The following ODAD2 variants were observed in gnomAD, a reference collection of about 807,000 sequenced individuals.
The protein encoded by ODAD2 is outer dynein arm-docking complex subunit 2.
In ODAD2, 89 loss-of-function variants were observed where a neutral mutation model predicts 106.8. That is an observed-to-expected ratio of 0.83 (90% CI 0.70 to 0.99). The LOEUF is 0.99. Among genes scored for constraint, ODAD2 ranks in the 50% least tolerant of loss-of-function variants. The pLI is 0.00. For missense variants in ODAD2, 1,168 were observed against 1,238.5 expected (o/e 0.94, Z 0.85); for synonymous variants, 404 against 436.2 (o/e 0.93, Z 0.92).
intron 3 of ODAD2, among the ~76,000 whole-genome samples, chr10:27,986,439 G>C (rs1465942388): frequency 6.6e-6 from 1 of 152,114 alleles, no homozygotes; most frequent in East Asian, 1.9e-4. Context: ...CAATTGAGTT[G>C]AATTGAATGA....
intron 19 of ODAD2, among the ~76,000 whole-genome samples, chr10:27,850,897 A>G (rs529288662): frequency 4.0e-4 from 61 of 152,344 alleles, no homozygotes; most frequent in Non-Finnish European, 7.5e-4. Flanking sequence ...GAGAGCCCAG[A>G]CAAAGCCTGA....
At chr10:27,896,143 T>C (rs919571017) in intron 17 of ODAD2, among the ~76,000 whole-genome samples, 5 of 152,222 alleles carry the variant, frequency 3.3e-5, no homozygotes, top group Non-Finnish European at 7.3e-5. Context: ...CTAAAAATGT[T>C]CATCATGAAT....
chr10:27,912,893 A>T (rs1844108249), intron 16 of ODAD2, among the ~76,000 whole-genome samples: 2 of 152,202 alleles, frequency 1.3e-5, no homozygotes, highest in South Asian at 4.1e-4. Flanking sequence ...CCTTTAAAAA[A>T]ATCCTTAAGG....
chr10:27,853,179 C>A, intron 19 of ODAD2: 1 of 163,006 alleles, frequency 6.1e-6, no homozygotes, highest in Non-Finnish European at 1.3e-5. Context: ...CCATCCTGAC[C>A]AACATGGTGA....
In ODAD2 at chr10:27,971,310, T is replaced by C; in HGVS notation, c.940A>G (p.Ile314Val). 1 of 1,584,952 alleles carries C rather than the reference T, an allele frequency of 6.3e-7. No homozygotes were observed. Among genetic ancestry groups the C allele is most frequent in the East Asian group, 2.2e-5 (1 of 44,664 alleles). ...KFSENMSKLG[I>V]SFSEDQQKEK... ...TTTTGCTGGTCTTCACTGAAGCTAA[T>C]TCCCTTTATTTAAAAAATGAGAATA... The change falls in exon 8 of 20, where the codon ATT becomes GTT. Residue 314 changes from isoleucine (I) to valine (V), a missense_variant. Ile to Val is a conservative substitution (Grantham distance 29). Coordinates refer to ENST00000305242, the MANE Select transcript of ODAD2 (RefSeq NM_018076.5).
intron 7 of ODAD2, among the ~76,000 whole-genome samples, chr10:27,972,857 C>T (rs958434818): frequency 2.6e-5 from 4 of 151,996 alleles, no homozygotes; most frequent in Non-Finnish European, 5.9e-5. Flanking sequence ...CAGAAAAAAA[C>T]ATCAGTAATG....
At chr10:27,872,964 C>T (rs566981359) in intron 17 of ODAD2, among the ~76,000 whole-genome samples, 8 of 152,114 alleles carry the variant, frequency 5.3e-5, no homozygotes, top group Non-Finnish European at 7.3e-5. Context: ...TGGTAGCATT[C>T]GGCTATGAAT....
intron 10 of ODAD2, among the ~76,000 whole-genome samples, chr10:27,959,780 A>G (rs1018653056): frequency 1.3e-5 from 2 of 152,186 alleles, no homozygotes; most frequent in African/African-American, 2.4e-5. Flanking sequence ...CTATAATAGT[A>G]GTGAATCATT....
Position 27,987,373 on chromosome 10 carries a change from G to A in ODAD2, c.382+13C>T. 2 of 1,608,128 alleles carry A rather than the reference G, an allele frequency of 1.2e-6. No individual in the cohort carries two copies. Among genetic ancestry groups the A allele is most frequent in the Non-Finnish European group, 1.7e-6 (2 of 1,177,412 alleles). ...CTAAAAGTTCAAATCACAGACTGGA[G>A]CATTAAGATCACCTTCAACACATGC... On this transcript the variant is annotated intron_variant, in intron 3 of 19. Coordinates refer to ENST00000305242, the MANE Select transcript of ODAD2 (RefSeq NM_018076.5).
chr10:27,939,465 C>T (rs527664515), intron 14 of ODAD2, among the ~76,000 whole-genome samples: 1 of 152,236 alleles, frequency 6.6e-6, no homozygotes, highest in Admixed American at 6.5e-5. Context: ...CCTGTAATCC[C>T]AGCACTTTGG....
chr10:27,983,924 T>C lies in ODAD2; in HGVS notation c.738A>G (p.Glu246=). Residue 246 remains glutamate (E), a synonymous_variant, in exon 6 of 20, where the codon GAA becomes GAG. Coordinates refer to ENST00000305242, the MANE Select transcript of ODAD2 (RefSeq NM_018076.5). ...GAGGTTTCACCAGCACATAACAAAT[T>C]TCCCCACGAATTTGTCTCCACGGTG... ...RAPPWRQIRG[E]ICYVLVKPHD... is the part of the protein sequence containing the mutation. 1 of 1,607,690 alleles carries C rather than the reference T, an allele frequency of 6.2e-7. No individual in the cohort carries two copies. The highest frequency in any genetic ancestry group is 2.2e-5 in the East Asian group (1 of 44,820).
chr10:27,886,111 A>C (rs11596504), intron 17 of ODAD2, among the ~76,000 whole-genome samples: 14 of 151,066 alleles, frequency 9.3e-5, no homozygotes, highest in Non-Finnish European at 1.8e-4. Context: ...AAAATTATTT[A>C]AAGTAATAAT....
intron 16 of ODAD2, among the ~76,000 whole-genome samples, chr10:27,911,255 G>A (rs113027857): frequency 5.3e-5 from 8 of 152,218 alleles, no homozygotes; most frequent in African/African-American, 9.6e-5. Flanking sequence ...GAGCTGGAAC[G>A]AAAAGTCAGA....
intron 19 of ODAD2, among the ~76,000 whole-genome samples, chr10:27,834,805 C>G (rs1314436310): frequency 1.3e-5 from 2 of 152,158 alleles, no homozygotes; most frequent in African/African-American, 4.8e-5. Context: ...CTCAGATGTC[C>G]TTGTTTACCA....
intron 2 of ODAD2, among the ~76,000 whole-genome samples, chr10:27,988,339 T>A (rs1314288577): frequency 5.7e-4 from 31 of 54,004 alleles, no homozygotes; most frequent in Non-Finnish European, 8.0e-4. Flanking sequence ...TGATCTAGCT[T>A]TTTTTTTTTT....
rs72799636 is a variant in ODAD2 at position 27,814,924 on chromosome 10, T to C, written c.3022-2299A>G. Among the ~76,000 whole-genome samples, 1,253 of 152,358 alleles carry C rather than the reference T, an allele frequency of 8.2e-3. 23 individuals carry two copies. The highest frequency in any genetic ancestry group is 0.075 in the South Asian group (363 of 4,828). On this transcript the variant is annotated intron_variant, in intron 19 of 19. Coordinates refer to ENST00000305242, the MANE Select transcript of ODAD2 (RefSeq NM_018076.5). ...CAACCTCAACTGGATTCTCATTCAC[T>C]GCCCAGCAATCAAAATTTGTGTCCC...
chr10:27,912,754 C>T (rs1040303957), intron 16 of ODAD2, among the ~76,000 whole-genome samples: 2 of 152,092 alleles, frequency 1.3e-5, no homozygotes, highest in African/African-American at 4.8e-5. Flanking sequence ...TAAACCACAA[C>T]ATTAAAGGAT....
At chr10:27,994,100 C>T (rs569191848) in intron 2 of ODAD2, among the ~76,000 whole-genome samples, 3 of 150,294 alleles carry the variant, frequency 2.0e-5, no homozygotes, top group Non-Finnish European at 3.0e-5. Flanking sequence ...ATAATTTATG[C>T]GTATGTGTGT....
intron 16 of ODAD2, among the ~76,000 whole-genome samples, chr10:27,911,299 T>C (rs1843997381): frequency 6.6e-6 from 1 of 152,136 alleles, no homozygotes; most frequent in Admixed American, 6.5e-5. Flanking sequence ...AGAAAACATA[T>C]GCACCAGGTG....
Sources: gnomAD v4.1 joint callset for allele counts (sites outside exome capture counted in the v4.1 genomes callset) on GRCh38, gnomAD v4.1.1 for gene constraint, MANE v1.5 for transcripts, NCBI Gene and HGNC (gene_info 2026-07-23, HGNC 2026-07-21) for gene names.